Variants in BCL2 observed in about 807,000 individuals in gnomAD.
BCL2 encodes apoptosis regulator Bcl-2.
BCL2 carries 1 observed loss-of-function variant against 14.2 expected under a neutral mutation model. The observed-to-expected ratio is 0.07, with a 90% CI of 0.02 to 0.33. The LOEUF (loss-of-function observed/expected upper bound fraction) is 0.33, where lower values mean the gene tolerates loss of function less well. Among genes scored for constraint, BCL2 ranks in the 10% least tolerant of loss-of-function variants. BCL2 has a pLI of 0.99. For missense variants in BCL2, 247 were observed against 305.9 expected (o/e 0.81, Z 1.44); for synonymous variants, 151 against 137.2 (o/e 1.10, Z -0.70).
At chr18:63,131,112 C>G (rs1294017129) in intron 2 of BCL2, among the ~76,000 whole-genome samples, 2 of 152,096 alleles carry the variant, frequency 1.3e-5, no homozygotes, top group East Asian at 3.8e-4. Context: ...CCAATGCTAA[C>G]AGGGCCGAGG....
intron 2 of BCL2, among the ~76,000 whole-genome samples, chr18:63,172,270 C>T (rs1434167216): frequency 1.3e-5 from 2 of 152,244 alleles, no homozygotes; most frequent in African/African-American, 2.4e-5. Flanking sequence ...CACGTACTCA[C>T]TTGCTGCACA....
At chr18:63,236,746 G>A (rs1442959856) in intron 2 of BCL2, among the ~76,000 whole-genome samples, 2 of 152,116 alleles carry the variant, frequency 1.3e-5, no homozygotes. Context: ...GATGGCCTCC[G>A]TTCCAGCATG....
intron 2 of BCL2, among the ~76,000 whole-genome samples, chr18:63,150,204 A>G (rs943628917): frequency 2.0e-5 from 3 of 152,248 alleles, no homozygotes; most frequent in Non-Finnish European, 4.4e-5. Flanking sequence ...TTTTAGGTAC[A>G]GAAAGAGAAG....
intron 2 of BCL2, among the ~76,000 whole-genome samples, chr18:63,228,906 C>T (rs762365117): frequency 2.6e-5 from 4 of 152,282 alleles, no homozygotes; most frequent in Admixed American, 1.3e-4. Flanking sequence ...GATAAGGTTT[C>T]GCCATGTTGG....
chr18:63,264,137 C>A (rs118148989), intron 2 of BCL2, among the ~76,000 whole-genome samples: 1 of 152,198 alleles, frequency 6.6e-6, no homozygotes. Context: ...CCTTTGAATC[C>A]GCGGACTGCA....
At chr18:63,210,755 T>G (rs1909976856) in intron 2 of BCL2, among the ~76,000 whole-genome samples, 2 of 152,170 alleles carry the variant, frequency 1.3e-5, no homozygotes, top group African/African-American at 4.8e-5. Context: ...TTCATAGGTT[T>G]TTTAAAGATC....
At chr18:63,213,486 C>T (rs1910104822) in intron 2 of BCL2, among the ~76,000 whole-genome samples, 1 of 149,804 alleles carries the variant, frequency 6.7e-6, no homozygotes, top group African/African-American at 2.5e-5. Flanking sequence ...AAAAGATAAA[C>T]CACAGAGCAA....
rs190262124 is a variant in BCL2, at chr18:63,128,475, G to T, written c.*150C>A. ...AGACTGTTAATTGTTGTGTGTGTGT[G>T]TGTCTGTCTGTGTGTGTGATGTTTA... On this transcript the variant is annotated 3_prime_UTR_variant, in exon 3 of 3. Coordinates refer to ENST00000333681, the MANE Select transcript of BCL2 (RefSeq NM_000633.3). 2 of 571,964 alleles carry T rather than the reference G, an allele frequency of 3.5e-6. No individual in the cohort carries two copies. The highest frequency in any genetic ancestry group is 5.6e-5 in the East Asian group (2 of 35,774). 35.4% of individuals were successfully genotyped at this position (571,964 alleles called of 1,614,324 possible). A position where few individuals can be genotyped will look rare whatever the true frequency, so the allele number is the denominator to read the frequency against.
chr18:63,220,819 G>GAA (rs71162607), intron 2 of BCL2, among the ~76,000 whole-genome samples: 21 of 137,762 alleles, frequency 1.5e-4, no homozygotes, highest in Admixed American at 5.0e-4. Context: ...TCTTCAAGGA[G>GAA]AAAAAAAAAA....
intron 2 of BCL2, among the ~76,000 whole-genome samples, chr18:63,139,966 A>T (rs1023346060): frequency 2.0e-5 from 3 of 152,226 alleles, no homozygotes; most frequent in Non-Finnish European, 4.4e-5. Flanking sequence ...AAACGTAAGT[A>T]GCTAAATTTT....
intron 2 of BCL2, among the ~76,000 whole-genome samples, chr18:63,203,694 A>G (rs987424881): frequency 6.6e-6 from 1 of 152,148 alleles, no homozygotes; most frequent in Admixed American, 6.5e-5. Flanking sequence ...ACGCACACAC[A>G]CACACACATA....
chr18:63,294,492 A>C (rs2144273144), intron 2 of BCL2, among the ~76,000 whole-genome samples: 1 of 152,144 alleles, frequency 6.6e-6, no homozygotes, highest in South Asian at 2.1e-4. Context: ...AACATGGTGA[A>C]ACCCTGTCTC....
chr18:63,271,455 A>G (rs1912000393), intron 2 of BCL2, among the ~76,000 whole-genome samples: 1 of 152,242 alleles, frequency 6.6e-6, no homozygotes, highest in Non-Finnish European at 1.5e-5. Context: ...GCAAGAAAGA[A>G]AACTTGATCT....
intron 2 of BCL2, among the ~76,000 whole-genome samples, chr18:63,132,963 G>A (rs923640250): frequency 4.6e-5 from 7 of 152,160 alleles, no homozygotes; most frequent in Non-Finnish European, 7.4e-5. Flanking sequence ...CCGACTTCAC[G>A]GATCACAGGT....
intron 2 of BCL2, among the ~76,000 whole-genome samples, chr18:63,163,725 AT>A (rs1914977464): frequency 6.6e-6 from 1 of 152,260 alleles, no homozygotes; most frequent in Non-Finnish European, 1.5e-5. Flanking sequence ...CACTTAACAA[AT>A]ATCCATTCAT....
At chr18:63,276,486 T>C (rs1165463686) in intron 2 of BCL2, among the ~76,000 whole-genome samples, 1 of 152,188 alleles carries the variant, frequency 6.6e-6, no homozygotes, top group African/African-American at 2.4e-5. Flanking sequence ...GCCACAAATA[T>C]TCTATGTCCC....
chr18:63,123,739 C>T lies in BCL2; in HGVS notation c.*4886G>A, dbSNP rs1475444466. The stretch of plus-strand genomic sequence containing the variant: ...AAGAAGGTATAATAAACAAAACCAC[C>T]AAAAGAAAGCTTCCCCAAAAGAAAT... On this transcript the variant is annotated 3_prime_UTR_variant, in exon 3 of 3. Transcript: ENST00000333681. The T allele has an allele frequency of 4.6e-6, 1 of 216,000 alleles. No individual in the cohort carries two copies. The highest frequency in any genetic ancestry group is 6.8e-5 in the East Asian group (1 of 14,704). The allele number at this position is 216,000 out of a possible 1,614,324, so 13.4% of individuals were successfully genotyped here. A position where few individuals can be genotyped will look rare whatever the true frequency, so the allele number is the denominator to read the frequency against.
intron 2 of BCL2, among the ~76,000 whole-genome samples, chr18:63,131,519 C>T (rs974882035): frequency 6.6e-6 from 1 of 152,170 alleles, no homozygotes; most frequent in Non-Finnish European, 1.5e-5. Flanking sequence ...CTCCACAAGC[C>T]AGAACTCTGC....
At chr18:63,173,944 G>C (rs994259834) in intron 2 of BCL2, among the ~76,000 whole-genome samples, 2 of 152,124 alleles carry the variant, frequency 1.3e-5, no homozygotes, top group African/African-American at 4.8e-5. Flanking sequence ...AGTATAGAAA[G>C]GGTTTCCTCA....
Sources: allele counts gnomAD v4.1 joint callset (sites outside exome capture counted in the v4.1 genomes callset), GRCh38; gene constraint gnomAD v4.1.1; transcripts MANE v1.5; gene names NCBI Gene and HGNC (gene_info 2026-07-23, HGNC 2026-07-21).